The following TTLL5 variants were observed in gnomAD, a reference collection of about 807,000 sequenced individuals.
TTLL5 encodes the protein tubulin polyglutamylase TTLL5.
A neutral mutation model predicts 168.4 loss-of-function variants in TTLL5; 132 were observed. That is an observed-to-expected ratio of 0.78 (90% CI 0.68 to 0.91). The LOEUF (loss-of-function observed/expected upper bound fraction) is 0.91. TTLL5 is among the 40% of genes least tolerant of loss of function. The probability of loss-of-function intolerance (pLI) is 0.00; values close to 1 mark genes in which losing one functional copy is unlikely to be tolerated. For synonymous variants in TTLL5, 546 were observed against 558.6 expected (o/e 0.98, Z 0.32); for missense variants, 1,545 against 1,581.5 (o/e 0.98, Z 0.39).
intron 2 of TTLL5, among the ~76,000 whole-genome samples, chr14:75,664,855 T>C (rs574816924): frequency 1.3e-5 from 2 of 152,332 alleles, no homozygotes; most frequent in African/African-American, 4.8e-5. Context: ...TTTACTCCAT[T>C]ACTGTCTCTC....
At chr14:75,892,491 G>GT (rs1456775054) in intron 30 of TTLL5, among the ~76,000 whole-genome samples, 4 of 152,180 alleles carry the variant, frequency 2.6e-5, no homozygotes, top group African/African-American at 4.8e-5. Flanking sequence ...ACCTGGGACA[G>GT]TTTCCCCCCC....
chr14:75,902,355 G>C, intron 31 of TTLL5, 131 bp downstream of exon 31: 1 of 936,042 alleles, frequency 1.1e-6, no homozygotes, highest in South Asian at 1.5e-5. Flanking sequence ...CAAAACATTG[G>C]CAAATGGGCA....
chr14:75,737,588 A>G, intron 15 of TTLL5: 1 of 1,535,770 alleles, frequency 6.5e-7, no homozygotes, highest in Non-Finnish European at 8.7e-7. Context: ...GCACAGTTTC[A>G]GTCGTCAAAG....
chr14:75,950,638 T>C (rs575105878), intron 31 of TTLL5, among the ~76,000 whole-genome samples: 10 of 152,344 alleles, frequency 6.6e-5, no homozygotes, highest in African/African-American at 1.9e-4. Context: ...TATACTGTTT[T>C]ATTTTTTATG....
At chr14:75,943,286 G>A (rs1426893158) in intron 31 of TTLL5, among the ~76,000 whole-genome samples, 1 of 152,168 alleles carries the variant, frequency 6.6e-6, no homozygotes, top group East Asian at 1.9e-4. Flanking sequence ...CAAATCTTAA[G>A]GTGAAGAGTC....
chr14:75,930,452 T>C, intron 31 of TTLL5: 2 of 393,914 alleles, frequency 5.1e-6, no homozygotes, highest in Non-Finnish European at 6.9e-6. Flanking sequence ...ATTTTCAGAT[T>C]AGGGATGTTC....
intron 30 of TTLL5, among the ~76,000 whole-genome samples, chr14:75,884,672 C>T (rs950180676): frequency 6.6e-6 from 1 of 152,180 alleles, no homozygotes; most frequent in African/African-American, 2.4e-5. Context: ...CAATTTGCCT[C>T]TAAAACTCTA....
chr14:75,942,394 C>A (rs550188463), intron 31 of TTLL5, among the ~76,000 whole-genome samples: 1 of 152,282 alleles, frequency 6.6e-6, no homozygotes, highest in African/African-American at 2.4e-5. Flanking sequence ...AAGCAGCTCT[C>A]ATGTAAATAT....
At chr14:75,733,924 A>G in intron 13 of TTLL5, 65 bp from the exon 14 acceptor site, 8 of 1,502,214 alleles carry the variant, frequency 5.3e-6, no homozygotes, top group Non-Finnish European at 5.6e-6. Flanking sequence ...GGGACCCATC[A>G]GAGGGCGGCT....
chr14:75,892,946 G>A (rs1028473062), intron 30 of TTLL5, among the ~76,000 whole-genome samples: 3 of 152,132 alleles, frequency 2.0e-5, no homozygotes, highest in African/African-American at 7.2e-5. Context: ...AGACACGGAG[G>A]AATGAGCAAG....
chr14:75,787,466 A>G (rs1892437108), intron 26 of TTLL5, among the ~76,000 whole-genome samples: 1 of 152,220 alleles, frequency 6.6e-6, no homozygotes, highest in East Asian at 1.9e-4. Context: ...AACAATTCTA[A>G]AAGTGTCTGC....
At chr14:75,893,738 A>C (rs1323783892) in intron 30 of TTLL5, among the ~76,000 whole-genome samples, 1 of 150,386 alleles carries the variant, frequency 6.6e-6, no homozygotes, top group Non-Finnish European at 1.5e-5. Context: ...GAATTGCTTG[A>C]ACCTGGGAGG....
chr14:75,679,587 TA>T (rs1195250577), intron 3 of TTLL5, among the ~76,000 whole-genome samples: 1 of 152,266 alleles, frequency 6.6e-6, no homozygotes, highest in Non-Finnish European at 1.5e-5. Flanking sequence ...TGGATTCTTT[TA>T]TAAGTACATT....
intron 27 of TTLL5, among the ~76,000 whole-genome samples, chr14:75,804,999 C>T (rs757309714): frequency 6.6e-6 from 1 of 152,144 alleles, no homozygotes; most frequent in Non-Finnish European, 1.5e-5. Context: ...ACTCATCTTA[C>T]TTGTACTGCC....
At chr14:75,857,621 T>G (rs1483012034) in intron 28 of TTLL5, among the ~76,000 whole-genome samples, 1 of 152,002 alleles carries the variant, frequency 6.6e-6, no homozygotes, top group African/African-American at 2.4e-5. Context: ...ATGGAATTAT[T>G]TCTTCTTGTT....
intron 6 of TTLL5, among the ~76,000 whole-genome samples, chr14:75,697,285 G>A (rs1184004789): frequency 6.6e-6 from 1 of 152,116 alleles, no homozygotes; most frequent in Non-Finnish European, 1.5e-5. Context: ...GCATTGTAGT[G>A]TATTTAATTA....
intron 12 of TTLL5, among the ~76,000 whole-genome samples, chr14:75,729,471 A>G (rs1271029799): frequency 1.3e-5 from 2 of 148,954 alleles, no homozygotes; most frequent in South Asian, 2.2e-4. Context: ...TTCTTTAAGG[A>G]CTCTAGTTGC....
chr14:75,677,975 C>A (rs761504207), intron 3 of TTLL5, among the ~76,000 whole-genome samples: 4 of 151,926 alleles, frequency 2.6e-5, no homozygotes, highest in Non-Finnish European at 1.5e-5. Context: ...TGTAACTGTT[C>A]TCTATTTTCT....
chr14:75,700,922 G>C (rs79287999), intron 7 of TTLL5, among the ~76,000 whole-genome samples: 1 of 151,652 alleles, frequency 6.6e-6, no homozygotes, highest in African/African-American at 2.4e-5. Context: ...CTGGATATTT[G>C]GCAGGCATTT....
Sources: gnomAD v4.1 joint callset for allele counts (sites outside exome capture counted in the v4.1 genomes callset) on GRCh38, gnomAD v4.1.1 for gene constraint, MANE v1.5 for transcripts, NCBI Gene and HGNC (gene_info 2026-07-23, HGNC 2026-07-21) for gene names.